The following MTR variants were observed in gnomAD, a reference collection of about 807,000 sequenced individuals.
MTR encodes methionine synthase.
MTR carries 84 observed loss-of-function variants against 154.8 expected under a neutral mutation model. The ratio of observed to expected loss-of-function variants is 0.54; its 90% CI spans 0.45 to 0.65. The LOEUF is 0.65. Among genes scored for constraint, MTR ranks in the 30% least tolerant of loss-of-function variants. The pLI, the probability that MTR is intolerant of heterozygous loss-of-function variation, is 0.00. For synonymous variants in MTR, 554 were observed against 553.9 expected (o/e 1.00, Z 0.00); for missense variants, 1,275 against 1,570.2 (o/e 0.81, Z 3.18).
At position 236,903,494 on chromosome 1, in the gene MTR, T is replaced by C. The variant is rs1281260776; in HGVS notation, c.*5850T>C. On this transcript the variant is annotated 3_prime_UTR_variant, in exon 33 of 33. Transcript: ENST00000366577. ...ATGCCTTTTGCCTCATCCCTTGCTT[T>C]TAAGTATTATTATAGACTTTTGGAG... is the stretch of plus-strand genomic sequence containing the variant. 1 of 152,222 alleles carries C rather than the reference T, an allele frequency of 6.6e-6. No homozygotes were observed. Among genetic ancestry groups the C allele is most frequent in the Non-Finnish European group, 1.5e-5 (1 of 68,036 alleles). The allele number at this position is 152,222 out of a possible 1,614,324, so 9.4% of individuals were successfully genotyped here. A position where few individuals can be genotyped will look rare whatever the true frequency, so the allele number is the denominator to read the frequency against.
intron 17 of MTR, 80 bp from the exon 18 acceptor site, chr1:236,852,868 G>T: frequency 6.6e-7 from 1 of 1,511,538 alleles, no homozygotes; most frequent in Non-Finnish European, 9.2e-7. Flanking sequence ...TTTCTCTCTG[G>T]CCCTTTACAG....
intron 11 of MTR, among the ~76,000 whole-genome samples, chr1:236,828,914 G>C (rs1465274849): frequency 6.6e-6 from 1 of 152,024 alleles, no homozygotes; most frequent in Non-Finnish European, 1.5e-5. Flanking sequence ...CTGTCATATA[G>C]CTCCAGGTTC....
At chr1:236,800,522 TA>T (rs1660645838) in intron 1 of MTR, 1 of 956,032 alleles carries the variant, frequency 1.0e-6, no homozygotes. Context: ...CCTGTGAAAT[TA>T]TCTACATTTA....
At chr1:236,804,173 C>A (rs1181237060) in intron 2 of MTR, among the ~76,000 whole-genome samples, 1 of 152,130 alleles carries the variant, frequency 6.6e-6, no homozygotes, top group Non-Finnish European at 1.5e-5. Context: ...AGAGAGAGAA[C>A]AAAAAACTCT....
intron 18 of MTR, among the ~76,000 whole-genome samples, chr1:236,855,041 A>G (rs541305480): frequency 2.0e-5 from 3 of 152,306 alleles, no homozygotes; most frequent in East Asian, 3.9e-4. Context: ...GAGGGAATTA[A>G]TAACCAAAAC....
At position 236,835,763 on chromosome 1, in the gene MTR, C is replaced by T. The variant is rs555225490; in HGVS notation, c.1329+76C>T. On this transcript the variant is annotated intron_variant, in intron 14 of 32. Transcript: ENST00000366577. ...ACTCATTTAACCGTGCCAGTTGTCC[C>T]ATTAATCTGTGAACTCAAGAACTGG... 4.4e-6 allele frequency: 7 copies of T among 1,584,948 alleles called. No homozygotes were observed. The East Asian group carries it at 8.9e-5, about 20-fold the overall frequency.
Position 236,895,353 on chromosome 1 carries a change from C to G in MTR, c.3406-5C>G. ...CTAAGCATGCCTGCTGCTTTGGGTC[C>G]CAAGGCCTTTGCAGAAGAGCTCCAT... On this transcript the variant is annotated splice_region_variant and splice_polypyrimidine_tract_variant and intron_variant, in intron 30 of 32. Coordinates refer to ENST00000366577, the MANE Select transcript of MTR (RefSeq NM_000254.3). 1.3e-6 allele frequency: 2 copies of G among 1,589,884 alleles called. No individual in the cohort carries two copies. The highest frequency in any genetic ancestry group is 1.8e-5 in the Admixed American group (1 of 56,948).
chr1:236,891,114 A>G lies in MTR; in HGVS notation c.3008-19A>G. On this transcript the variant is annotated intron_variant, in intron 28 of 32. Coordinates refer to ENST00000366577, the MANE Select transcript of MTR (RefSeq NM_000254.3). ...TTTTTGGCATCTTTAAGTGAATTCT[A>G]ATTCTGTTTTTCTAATAGGTGGAGA... is the stretch of plus-strand genomic sequence containing the variant. 1.2e-6 allele frequency: 2 copies of G among 1,613,564 alleles called. No individual in the cohort carries two copies. Among genetic ancestry groups the G allele is most frequent in the Non-Finnish European group, 1.7e-6 (2 of 1,179,488 alleles).
intron 8 of MTR, among the ~76,000 whole-genome samples, chr1:236,819,180 T>C (rs1190664334): frequency 6.6e-6 from 1 of 152,180 alleles, no homozygotes; most frequent in Non-Finnish European, 1.5e-5. Context: ...TTTTGACAAA[T>C]ATATCATGAG....
At chr1:236,806,508 C>T (rs146077730) in intron 3 of MTR, among the ~76,000 whole-genome samples, 3 of 152,218 alleles carry the variant, frequency 2.0e-5, no homozygotes, top group Admixed American at 2.0e-4. Context: ...AATCATTGGC[C>T]GTATGCACAC....
At chr1:236,797,967 AC>A (rs10561343) in intron 1 of MTR, among the ~76,000 whole-genome samples, 5,672 of 147,348 alleles carry the variant, frequency 0.038, 212 homozygotes, top group African/African-American at 0.079. Flanking sequence ...CCAAAAAAAA[AC>A]AAAACAAAAC....
chr1:236,874,699 T>C (rs1201943520), intron 23 of MTR, 27 bp from the exon 24 acceptor site: 2 of 161,818 alleles, frequency 1.2e-5, no homozygotes, highest in African/African-American at 6.8e-4. Flanking sequence ...CTTTTTGTCC[T>C]TTTTTTTTTA....
At chr1:236,816,428 T>G (rs765534864) in intron 7 of MTR, 21 bp from the exon 8 acceptor site, 33 of 1,604,888 alleles carry the variant, frequency 2.1e-5, no homozygotes, top group Non-Finnish European at 2.4e-5. Flanking sequence ...ATTGTTGACT[T>G]TGTTTACTTT....
intron 19 of MTR, 125 bp downstream of exon 19, chr1:236,860,047 T>G (rs1572278630): frequency 4.9e-5 from 24 of 488,486 alleles, no homozygotes; most frequent in African/African-American, 1.9e-4. Context: ...CCTGGGGAGG[T>G]CCCTCTTGCT....
At chr1:236,834,609 A>G (rs1038971342) in intron 13 of MTR, among the ~76,000 whole-genome samples, 25 of 147,664 alleles carry the variant, frequency 1.7e-4, no homozygotes, top group African/African-American at 6.0e-4. Context: ...AAAAGTTTCT[A>G]TTTTTTTTTT....
intron 27 of MTR, among the ~76,000 whole-genome samples, chr1:236,888,809 C>G (rs924744428): frequency 7.2e-5 from 11 of 152,202 alleles, no homozygotes; most frequent in African/African-American, 2.2e-4. Flanking sequence ...AGCTTACTCT[C>G]CATGTCTTTC....
intron 9 of MTR, among the ~76,000 whole-genome samples, chr1:236,824,940 G>T (rs1662191963): frequency 6.6e-6 from 1 of 152,104 alleles, no homozygotes; most frequent in African/African-American, 2.4e-5. Context: ...ATTTTTGTTT[G>T]TTTTTAATGG....
chr1:236,841,790 G>C (rs1663252453), intron 15 of MTR, among the ~76,000 whole-genome samples: 1 of 152,138 alleles, frequency 6.6e-6, no homozygotes, highest in South Asian at 2.1e-4. Context: ...AGTTGCATGG[G>C]CATAGGAGTA....
At position 236,891,179 on chromosome 1, in the gene MTR, C is replaced by A. The variant is rs1158020013; in HGVS notation, c.3054C>A (p.Asn1018Lys). The part of the protein sequence containing the change: ...KVYDDAHNML[N>K]TLISQKKLRA... The stretch of plus-strand genomic sequence containing the variant: ...ACGATGATGCCCACAATATGCTGAA[C>A]ACACTGATTAGTCAAAAGAAACTCC... Residue 1018 changes from asparagine (N) to lysine (K), a missense_variant, in exon 29 of 33, where the codon AAC (asparagine) becomes AAA (lysine). Coordinates refer to ENST00000366577, the MANE Select transcript of MTR (RefSeq NM_000254.3). The A allele has an allele frequency of 1.2e-6, 2 of 1,614,152 alleles. No homozygotes were observed. Among genetic ancestry groups the A allele is most frequent in the Non-Finnish European group, 1.7e-6 (2 of 1,180,024 alleles).
Sources: gnomAD v4.1 joint callset for allele counts (sites outside exome capture counted in the v4.1 genomes callset) on GRCh38, gnomAD v4.1.1 for gene constraint, MANE v1.5 for transcripts, NCBI Gene and HGNC (gene_info 2026-07-23, HGNC 2026-07-21) for gene names.